The following NWD1 variants were observed in gnomAD, a reference collection of about 807,000 sequenced individuals.
NWD1 encodes NACHT domain- and WD repeat-containing protein 1.
A neutral mutation model predicts 135.1 loss-of-function variants in NWD1; 129 were observed. That is an observed-to-expected ratio of 0.96 (90% CI 0.83 to 1.11). The LOEUF is 1.11. NWD1 is among the 50% of genes least tolerant of loss of function. The probability of loss-of-function intolerance (pLI) is 0.00; values close to 1 mark genes in which losing one functional copy is unlikely to be tolerated. For synonymous variants in NWD1, 773 were observed against 786.0 expected, an observed-to-expected ratio of 0.98 and a Z score of 0.28; for missense variants, 1,740 against 1,851.3, an observed-to-expected ratio of 0.94 and a Z score of 1.10.
At chr19:16,788,526 G>A (rs1970133900) in intron 12 of NWD1, among the ~76,000 whole-genome samples, 1 of 144,378 alleles carries the variant, frequency 6.9e-6, no homozygotes, top group Non-Finnish European at 1.5e-5. Context: ...CCAAGATTGA[G>A]CCACTGCATT....
intron 6 of NWD1, among the ~76,000 whole-genome samples, chr19:16,756,172 A>G (rs890938377): frequency 6.6e-6 from 1 of 152,128 alleles, no homozygotes; most frequent in Non-Finnish European, 1.5e-5. Context: ...GAATTGCTTG[A>G]ACCTGGGAGG....
Position 16,791,404 on chromosome 19 carries a change from G to A in NWD1, c.2995G>A (p.Ala999Thr). The A allele has an allele frequency of 6.2e-7, 1 of 1,614,072 alleles. No individual in the cohort carries two copies. Among genetic ancestry groups the A allele is most frequent in the Admixed American group, 1.7e-5 (1 of 60,006 alleles). ...GCCGGTATTCCATATCCTGGGAGATGCCTCTGATCCTTGGATGTGCATGGC... is the reference window on the plus strand; with the variant it reads ...GCCGGTATTCCATATCCTGGGAGATACCTCTGATCCTTGGATGTGCATGGC... ...AEPVFHILGD[A>T]SDPWMCMAVL... Residue 999 changes from alanine (A) to threonine (T), a missense_variant, in exon 14 of 19, where the codon GCC (alanine) becomes ACC (threonine). Ala to Thr is a moderately conservative substitution (Grantham distance 58, BLOSUM62 0). Coordinates refer to ENST00000524140, the MANE Select transcript of NWD1 (RefSeq NM_001007525.5).
At chr19:16,756,285 A>G (rs1278898161) in intron 6 of NWD1, among the ~76,000 whole-genome samples, 1 of 152,122 alleles carries the variant, frequency 6.6e-6, no homozygotes, top group Non-Finnish European at 1.5e-5. Flanking sequence ...AGAAAAATAC[A>G]TGTACTATTC....
intron 12 of NWD1, among the ~76,000 whole-genome samples, chr19:16,784,833 G>A (rs945591248): frequency 4.6e-5 from 7 of 151,958 alleles, no homozygotes; most frequent in African/African-American, 1.7e-4. Flanking sequence ...GGAGGCTGAG[G>A]CAAGAGAATC....
At chr19:16,738,801 CAT>C (rs1967955352) in intron 4 of NWD1, among the ~76,000 whole-genome samples, 1 of 120,428 alleles carries the variant, frequency 8.3e-6, no homozygotes, top group South Asian at 2.3e-4. Flanking sequence ...TAACATATAA[CAT>C]ACTATTATAT....
intron 17 of NWD1, among the ~76,000 whole-genome samples, chr19:16,800,581 A>G (rs981863400): frequency 1.3e-5 from 2 of 152,096 alleles, no homozygotes; most frequent in Non-Finnish European, 2.9e-5. Flanking sequence ...GGCATAAGCA[A>G]GAAACATTAT....
intron 17 of NWD1, 107 bp downstream of exon 17, chr19:16,800,269 C>T (rs1970564212): frequency 3.4e-6 from 4 of 1,164,834 alleles, no homozygotes; most frequent in East Asian, 2.4e-5. Flanking sequence ...CCCCATGGCT[C>T]ACGCCTGTAA....
chr19:16,749,789 C>T lies in NWD1; in HGVS notation c.1147C>T (p.Arg383Cys), dbSNP rs771061212. ...LGTSQMSSDA[R>C]GLLKSICFQV... ...GACGTCACAAATGAGCTCAGATGCC[C>T]GTGGCCTGCTGAAGAGCATCTGCTT... Residue 383 changes from arginine to cysteine, a missense_variant, in exon 6 of 19, where the codon CGT becomes TGT. Arg to Cys is a radical substitution (Grantham distance 180). Transcript: ENST00000524140. 16 of 1,605,866 alleles carry T rather than the reference C, an allele frequency of 1.0e-5. No individual in the cohort carries two copies. The highest frequency in any genetic ancestry group is 2.2e-5 in the East Asian group (1 of 44,826).
intron 5 of NWD1, chr19:16,745,092 A>T (rs1354864851): frequency 2.1e-6 from 1 of 471,188 alleles, no homozygotes; most frequent in East Asian, 6.5e-5. Context: ...GGGAGGCCTC[A>T]CAATCATGGC....
chr19:16,795,778 G>A (rs1366552067), intron 15 of NWD1, among the ~76,000 whole-genome samples: 2 of 152,088 alleles, frequency 1.3e-5, no homozygotes, highest in Non-Finnish European at 2.9e-5. Context: ...TAGCAGTTCA[G>A]TCAGCCCCTT....
In NWD1 at chr19:16,759,329, G is replaced by T. The variant is rs764495804; in HGVS notation, c.1874G>T (p.Arg625Leu). The T allele has an allele frequency of 6.2e-7, 1 of 1,613,964 alleles. No individual in the cohort carries two copies. The highest frequency in any genetic ancestry group is 2.2e-5 in the East Asian group (1 of 44,878). Residue 625 changes from arginine (R) to leucine (L), a missense_variant, in exon 7 of 19, where the codon CGC (arginine) becomes CTC (leucine). Physicochemically the swap from Arg to Leu is moderately radical, Grantham distance 102 (BLOSUM62 -2). Coordinates refer to ENST00000524140, the MANE Select transcript of NWD1 (RefSeq NM_001007525.5). ...ACCCCGCCCAGCAAGGAGCTGCTGC[G>T]CTTCCCGCCCCTGCTGTGGGTGCGG... is the stretch of plus-strand genomic sequence containing the variant. Reference protein sequence around the residue: ...DWTPPSKELLRFPPLLWVRLR... With the variant: ...DWTPPSKELLLFPPLLWVRLR...
In NWD1 at chr19:16,736,614, C is replaced by T; in HGVS notation, c.82-20C>T. The T allele has an allele frequency of 7.0e-7, 1 of 1,431,130 alleles. No individual in the cohort carries two copies. The highest frequency in any genetic ancestry group is 1.2e-5 in the South Asian group (1 of 81,970). The allele number at this position is 1,431,130 out of a possible 1,614,324, so 88.7% of individuals were successfully genotyped here. ...CCTGTCATGCCACCTCTCTGACAAA[C>T]TTGTGTTTCTATTTCCCAGGTCGTT... On this transcript the variant is annotated intron_variant, in intron 3 of 18. Transcript: ENST00000524140.
intron 4 of NWD1, among the ~76,000 whole-genome samples, chr19:16,738,006 A>AAAAG (rs1301499644): frequency 1.3e-5 from 2 of 151,766 alleles, no homozygotes; most frequent in African/African-American, 4.8e-5. Flanking sequence ...AAAAGAAAAG[A>AAAAG]AAAGAAATTC....
At chr19:16,797,336 T>C (rs1283979764) in intron 15 of NWD1, among the ~76,000 whole-genome samples, 1 of 149,066 alleles carries the variant, frequency 6.7e-6, no homozygotes. Context: ...CTCTTTTTTT[T>C]TTTTTTTTTT....
chr19:16,744,769 G>A (rs931853212), intron 5 of NWD1, 51 bp downstream of exon 5: 5 of 1,447,556 alleles, frequency 3.5e-6, no homozygotes, highest in Middle Eastern at 1.9e-4. Context: ...CTGACCACGT[G>A]TTCAGAATAT....
intron 11 of NWD1, among the ~76,000 whole-genome samples, chr19:16,773,801 C>G (rs1969498253): frequency 6.6e-6 from 1 of 151,280 alleles, no homozygotes; most frequent in South Asian, 2.1e-4. Flanking sequence ...TGCATCCATC[C>G]TTTCATTCAC....
At position 16,779,339 on chromosome 19, in the gene NWD1, G is replaced by A. The variant is rs1273106522; in HGVS notation, c.2609-4G>A. On this transcript the variant is annotated splice_polypyrimidine_tract_variant and splice_region_variant and intron_variant, in intron 11 of 18. Transcript: ENST00000524140. The stretch of plus-strand genomic sequence containing the variant: ...TCATTGCTGTTGCCTCTGTGTGGCT[G>A]CAGGCATCACCGCCATGGCATGGGG... 6.2e-7 allele frequency: 1 copy of A among 1,613,798 alleles called. No individual in the cohort carries two copies. Among genetic ancestry groups the A allele is most frequent in the East Asian group, 2.2e-5 (1 of 44,874 alleles).
chr19:16,759,114 A>G, intron 6 of NWD1, 111 bp from the exon 7 acceptor site: 4 of 799,490 alleles, frequency 5.0e-6, no homozygotes, highest in Non-Finnish European at 8.6e-6. Context: ...ATCCCAGGTG[A>G]TGTGCTGGAC....
chr19:16,738,076 G>T (rs2122736678), intron 4 of NWD1: 1 of 284,262 alleles, frequency 3.5e-6, no homozygotes, highest in East Asian at 1.1e-4. Context: ...GCCTGTCTTT[G>T]TAAGTAAAGC....
Sources: allele counts gnomAD v4.1 joint callset (sites outside exome capture counted in the v4.1 genomes callset), GRCh38; gene constraint gnomAD v4.1.1; transcripts MANE v1.5; gene names NCBI Gene and HGNC (gene_info 2026-07-23, HGNC 2026-07-21).